The following RASIP1 variants were observed in gnomAD, a reference collection of about 807,000 sequenced individuals.
The protein encoded by RASIP1 is Ras interacting protein 1.
A neutral mutation model predicts 85.3 loss-of-function variants in RASIP1; 20 were observed. The ratio of observed to expected loss-of-function variants is 0.23; its 90% CI spans 0.17 to 0.34. RASIP1 has a LOEUF of 0.34. Among genes scored for constraint, RASIP1 ranks in the 10% least tolerant of loss-of-function variants. RASIP1 has a pLI of 1.00. For synonymous variants in RASIP1, 617 were observed against 647.1 expected (o/e 0.95, Z 0.71); for missense variants, 1,170 against 1,390.9 (o/e 0.84, Z 2.53).
intron 3 of RASIP1, among the ~76,000 whole-genome samples, chr19:48,736,536 T>C (rs2033576167): frequency 6.6e-6 from 1 of 152,192 alleles, no homozygotes; most frequent in South Asian, 2.1e-4. Flanking sequence ...CACCCTTCCC[T>C]GACAGTCCAA....
chr19:48,721,625 A>C (rs1245490737), intron 11 of RASIP1, among the ~76,000 whole-genome samples: 5 of 152,088 alleles, frequency 3.3e-5, no homozygotes, highest in Non-Finnish European at 7.4e-5. Flanking sequence ...ACACGGTGAA[A>C]CCCCCGTCTC....
intron 11 of RASIP1, among the ~76,000 whole-genome samples, chr19:48,721,249 C>T (rs1301989922): frequency 6.6e-6 from 1 of 151,978 alleles, no homozygotes; most frequent in African/African-American, 2.4e-5. Flanking sequence ...GGGAACTTGC[C>T]TTACAGATTC....
At chr19:48,726,674 G>C (rs1171527325) in intron 8 of RASIP1, 111 bp downstream of exon 8, 5 of 843,098 alleles carry the variant, frequency 5.9e-6, no homozygotes, top group Non-Finnish European at 9.2e-6. Flanking sequence ...TGACATCAGA[G>C]CCACACAGTG....
rs773187933 is a variant in RASIP1 at position 48,724,804 on chromosome 19, C to G, written c.2284G>C (p.Glu762Gln). Residue 762 changes from glutamate (E) to glutamine (Q), a missense_variant, in exon 9 of 12, where the codon GAG becomes CAG. By Grantham distance (29) the Glu-to-Gln change is conservative (BLOSUM62 2). Around this residue, in one of 4 missense-constraint regions of RASIP1, gnomAD observed 426 missense variants for 576.2 expected, o/e 0.74. Transcript: ENST00000222145. The surrounding 1 kb of genome is among the most constrained non-coding windows in gnomAD (Gnocchi z 4.6). ...QAALELTSQCELHPDLVSQTF... is the reference protein window; with the variant it reads ...QAALELTSQCQLHPDLVSQTF... ...TGAGACACGAGGTCAGGGTGCAGCT[C>G]GCACTGGCTGGTCAGCTCCAAGGCT... 28 of 1,614,096 alleles carry G rather than the reference C, an allele frequency of 1.7e-5. No homozygotes were observed. The highest frequency in any genetic ancestry group is 2.2e-5 in the Non-Finnish European group (26 of 1,180,050).
chr19:48,740,021 C>T lies in RASIP1; in HGVS notation c.137+125G>A. ...CTGTGCCCCACCGTCTCCCCCTGCC[C>T]ACCAGCTCGTTTGCCCAATTCAGGA... On this transcript the variant is annotated intron_variant, in intron 2 of 11. Transcript: ENST00000222145. The surrounding 1 kb of genome is among the most constrained non-coding windows in gnomAD (Gnocchi z 5.5). 7.7e-7 allele frequency: 1 copy of T among 1,299,392 alleles called. No homozygotes were observed. 80.5% of individuals were successfully genotyped at this position (1,299,392 alleles called of 1,614,324 possible).
Position 48,735,238 on chromosome 19 carries a change from G to A in RASIP1, c.1137C>T (p.Asn379=). The stretch of plus-strand genomic sequence containing the variant: ...CCTGGAGCAGCAGGAAGTAGGGGCG[G>A]TTGCTGGGGGCCTGGATGAGGCACT... ...LTQCLIQAPS[N]RPYFLLLQGY... is the part of the protein sequence containing the mutation. The change falls in exon 4 of 12, where the codon AAC becomes AAT. Residue 379 remains asparagine, a synonymous_variant. Coordinates refer to ENST00000222145, the MANE Select transcript of RASIP1 (RefSeq NM_017805.3). The A allele has an allele frequency of 6.2e-7, 1 of 1,613,634 alleles. No individual in the cohort carries two copies. The highest frequency in any genetic ancestry group is 8.5e-7 in the Non-Finnish European group (1 of 1,179,746).
At chr19:48,721,514 G>C (rs1018595844) in intron 11 of RASIP1, among the ~76,000 whole-genome samples, 2 of 152,128 alleles carry the variant, frequency 1.3e-5, no homozygotes, top group Admixed American at 1.3e-4. Context: ...AAGATCCTGA[G>C]AAAAGAAGAA....
chr19:48,740,355 A>G lies in RASIP1; in HGVS notation c.-4-69T>C, dbSNP rs1599753387. 3 of 1,504,906 alleles carry G rather than the reference A, an allele frequency of 2.0e-6. No homozygotes were observed. The highest frequency in any genetic ancestry group is 5.1e-5 in the East Asian group (2 of 39,322). The allele number at this position is 1,504,906 out of a possible 1,614,324, so 93.2% of individuals were successfully genotyped here. A position where few individuals can be genotyped will look rare whatever the true frequency, so the allele number is the denominator to read the frequency against. On this transcript the variant is annotated intron_variant, in intron 1 of 11. Transcript: ENST00000222145. The surrounding 1 kb of genome is among the most constrained non-coding windows in gnomAD (Gnocchi z 5.5). ...TGGGGATGGGGTGGAGGGAACCTGG[A>G]CTCCGAGTCAGAGGGAGGAGGGGGC...
intron 3 of RASIP1, chr19:48,737,483 A>G: frequency 1.0e-6 from 1 of 985,234 alleles, no homozygotes; most frequent in South Asian, 4.7e-5. Flanking sequence ...TCGCCTCTAC[A>G]GTGATATCTT....
At position 48,735,296 on chromosome 19, in the gene RASIP1, G is replaced by A. The variant is rs764838325; in HGVS notation, c.1079C>T (p.Thr360Ile). ...CTGATCGAAGTCCCCGGGGTCTGCA[G>A]TTCCGATTTGGGCGTCGGCTGCCCC... ...APGAADAQIG[T>I]ADPGDFDQLT... Residue 360 changes from threonine to isoleucine, a missense_variant, in exon 4 of 12, where the codon ACT (threonine) becomes ATT (isoleucine). Thr to Ile is a moderately conservative substitution (Grantham distance 89). Around this residue, in one of 4 missense-constraint regions of RASIP1, gnomAD observed 301 missense variants for 294.8 expected, o/e 1.02. Coordinates refer to ENST00000222145, the MANE Select transcript of RASIP1 (RefSeq NM_017805.3). 36 of 1,613,954 alleles carry A rather than the reference G, an allele frequency of 2.2e-5. No individual in the cohort carries two copies. The highest frequency in any genetic ancestry group is 7.7e-5 in the South Asian group (7 of 91,084).
At chr19:48,723,083 C>G (rs1388534798) in intron 10 of RASIP1, among the ~76,000 whole-genome samples, 1 of 151,824 alleles carries the variant, frequency 6.6e-6, no homozygotes, top group African/African-American at 2.4e-5. Flanking sequence ...GATGGTGTCT[C>G]CCCTATGTTG....
chr19:48,737,482 C>T, intron 3 of RASIP1: 1 of 985,440 alleles, frequency 1.0e-6, no homozygotes, highest in Non-Finnish European at 1.2e-6. Context: ...TTCGCCTCTA[C>T]AGTGATATCT....
chr19:48,738,849 GCCCCGC>G lies in RASIP1; in HGVS notation c.823+105_823+110del. ...GTCCCCTCCCAGTCCCCTCCCGCGGGCCCCGCCCCCAGCCAGCCCGCGAGTCCCACA... is the reference window on the plus strand; with the variant it reads ...GTCCCCTCCCAGTCCCCTCCCGCGGGCCCCAGCCAGCCCGCGAGTCCCACA... On this transcript the variant is annotated intron_variant, in intron 3 of 11. Coordinates refer to ENST00000222145, the MANE Select transcript of RASIP1 (RefSeq NM_017805.3). This position sits in a 1 kb window ranked among gnomAD's most constrained non-coding sequence, Gnocchi z 4.0. 1 of 1,113,378 alleles carries G rather than the reference GCCCCGC, an allele frequency of 9.0e-7. No individual in the cohort carries two copies. Among genetic ancestry groups the G allele is most frequent in the South Asian group, 4.5e-5 (1 of 22,202 alleles). The allele number at this position is 1,113,378 out of a possible 1,614,324, so 69.0% of individuals were successfully genotyped here.
chr19:48,735,526 T>A lies in RASIP1; in HGVS notation c.849A>T (p.Pro283=). The A allele has an allele frequency of 3.9e-6, 6 of 1,542,290 alleles. No individual in the cohort carries two copies. Among genetic ancestry groups the A allele is most frequent in the Non-Finnish European group, 5.3e-6 (6 of 1,142,294 alleles). The change falls in exon 4 of 12, where the codon CCA becomes CCT. Residue 283 remains proline (P), a synonymous_variant. Coordinates refer to ENST00000222145, the MANE Select transcript of RASIP1 (RefSeq NM_017805.3). The stretch of plus-strand genomic sequence containing the variant: ...ACGCCGCCCGGGAGCGGTTCTTCTG[T>A]GGCCGCCACGAAGGGGCGCCGGTGC... The part of the protein sequence containing the change: ...SEGTGAPSWR[P]QKNRSRAASG...
rs2122424226 is a variant in RASIP1 at position 48,724,882 on chromosome 19, C to T, written c.2206G>A (p.Glu736Lys). 1 of 1,614,236 alleles carries T rather than the reference C, an allele frequency of 6.2e-7. No individual in the cohort carries two copies. The highest frequency in any genetic ancestry group is 8.5e-7 in the Non-Finnish European group (1 of 1,180,038). ...AATCCTGGAGGCATGGCCCCCAGCT[C>T]CGCGCCAGGCCCCGGCAGCTCTGCA... ...AGAELPGPGA[E>K]LGAMPPGLRP... The change falls in exon 9 of 12, where the codon GAG becomes AAG. Residue 736 changes from glutamate (E) to lysine (K), a missense_variant. Glu to Lys is a moderately conservative substitution (Grantham distance 56). Around this residue, in one of 4 missense-constraint regions of RASIP1, gnomAD observed 426 missense variants for 576.2 expected, o/e 0.74. Coordinates refer to ENST00000222145, the MANE Select transcript of RASIP1 (RefSeq NM_017805.3). This position sits in a 1 kb window ranked among gnomAD's most constrained non-coding sequence, Gnocchi z 4.6.
At chr19:48,726,733 T>C in intron 8 of RASIP1, 52 bp downstream of exon 8, 1 of 1,382,444 alleles carries the variant, frequency 7.2e-7, no homozygotes, top group Non-Finnish European at 1.0e-6. Flanking sequence ...TGATATTACG[T>C]GAAACAGGAA....
rs917276784 is a variant in RASIP1, at chr19:48,737,647, C to T, written c.823+1313G>A. The stretch of plus-strand genomic sequence containing the variant: ...TATTCACTCACTCTGCAGGTGTCGC[C>T]CCCTTCTATACTCCACCCACATAGG... On this transcript the variant is annotated intron_variant, in intron 3 of 11. Transcript: ENST00000222145. 23 of 985,234 alleles carry T rather than the reference C, an allele frequency of 2.3e-5. No homozygotes were observed. The African/African-American group carries it at 3.7e-4, about 16-fold the overall frequency. 61.0% of individuals were successfully genotyped at this position (985,234 alleles called of 1,614,324 possible).
rs751033965 is a variant in RASIP1 at position 48,720,829 on chromosome 19, C to T, written c.2861G>A (p.Arg954His). 2 of 1,614,052 alleles carry T rather than the reference C, an allele frequency of 1.2e-6. No homozygotes were observed. Among genetic ancestry groups the T allele is most frequent in the Admixed American group, 1.7e-5 (1 of 60,024 alleles). The change falls in exon 12 of 12, where the codon CGC becomes CAC. Residue 954 changes from arginine (R) to histidine (H), a missense_variant. By Grantham distance (29) the Arg-to-His change is conservative. Around this residue, in one of 4 missense-constraint regions of RASIP1, gnomAD observed 144 missense variants for 125.5 expected, o/e 1.15. Transcript: ENST00000222145. ...LEQQELPANY[R>H]HGPPVATSP ...AGACGTGGCCACGGGAGGCCCATGG[C>T]GATAATTGGCTGGCAGCTCCTGCTG...
chr19:48,736,024 C>G (rs966830608), intron 3 of RASIP1, among the ~76,000 whole-genome samples: 1 of 151,418 alleles, frequency 6.6e-6, no homozygotes, highest in Non-Finnish European at 1.5e-5. Context: ...TCGGACTGGT[C>G]GGTCTCGAAC....
Sources: gnomAD v4.1 joint callset for allele counts (sites outside exome capture counted in the v4.1 genomes callset) on GRCh38, gnomAD v4.1.1 for gene constraint, gnomAD v4.1.1 regional missense constraint, Gnocchi (gnomAD v3.1) non-coding constraint, MANE v1.5 for transcripts, NCBI Gene and HGNC (gene_info 2026-07-23, HGNC 2026-07-21) for gene names.